Variants in LSAMP observed in about 807,000 individuals in gnomAD.
The protein encoded by LSAMP is limbic system associated membrane protein.
Under a neutral mutation model 38.6 loss-of-function variants are expected in LSAMP, and 7 were observed. That is an observed-to-expected ratio of 0.18 (90% confidence interval 0.10 to 0.34). LSAMP has a LOEUF of 0.34. Among genes scored for constraint, LSAMP ranks in the 10% least tolerant of loss-of-function variants. The probability of loss-of-function intolerance (pLI) is 1.00; values close to 1 mark genes in which losing one functional copy is unlikely to be tolerated. For synonymous variants in LSAMP, 154 were observed against 166.8 expected (o/e 0.92, Z 0.59); for missense variants, 313 against 420.0 (o/e 0.75, Z 2.23).
At chr3:116,389,195 T>A (rs2107810266) in intron 1 of LSAMP, among the ~76,000 whole-genome samples, 1 of 152,288 alleles carries the variant, frequency 6.6e-6, no homozygotes, top group East Asian at 1.9e-4. Context: ...ATCCATTCTG[T>A]GAACAGATGG....
chr3:116,296,694 C>CAAAAAAAAAAAA (rs10659032), intron 1 of LSAMP, among the ~76,000 whole-genome samples: 1 of 59,728 alleles, frequency 1.7e-5, no homozygotes, highest in African/African-American at 6.6e-5. Flanking sequence ...GACTCTGTCT[C>CAAAAAAAAAAAA]AAAAAAAAAA....
At chr3:116,255,247 C>T (rs1262840103) in intron 1 of LSAMP, among the ~76,000 whole-genome samples, 1 of 152,012 alleles carries the variant, frequency 6.6e-6, no homozygotes, top group Non-Finnish European at 1.5e-5. Flanking sequence ...GCACTACTAA[C>T]TAAAGAAGAA....
chr3:115,895,528 A>G (rs960965476), intron 3 of LSAMP, among the ~76,000 whole-genome samples: 8 of 152,118 alleles, frequency 5.3e-5, no homozygotes, highest in African/African-American at 1.7e-4. Context: ...TTTGAATTTC[A>G]GGTAAAAACA....
At chr3:115,965,449 G>T (rs948361910) in intron 3 of LSAMP, among the ~76,000 whole-genome samples, 2 of 151,672 alleles carry the variant, frequency 1.3e-5, no homozygotes, top group Non-Finnish European at 2.9e-5. Flanking sequence ...TATAACCATG[G>T]GGTGAAGAAG....
At chr3:116,431,489 CT>C (rs2049281078) in intron 1 of LSAMP, among the ~76,000 whole-genome samples, 2 of 152,008 alleles carry the variant, frequency 1.3e-5, no homozygotes, top group Non-Finnish European at 2.9e-5. Flanking sequence ...TGATTTTCCC[CT>C]TGTAGTTATA....
At chr3:116,105,290 A>C (rs1456194145) in intron 1 of LSAMP, among the ~76,000 whole-genome samples, 2 of 152,124 alleles carry the variant, frequency 1.3e-5, no homozygotes, top group Non-Finnish European at 2.9e-5. Context: ...GCATGATGTG[A>C]GAGGACTAAC....
At chr3:116,110,879 T>C (rs1397419115) in intron 1 of LSAMP, among the ~76,000 whole-genome samples, 1 of 151,802 alleles carries the variant, frequency 6.6e-6, no homozygotes, top group Non-Finnish European at 1.5e-5. Context: ...TGGGTGCAGG[T>C]GGGCTGAGTC....
intron 1 of LSAMP, among the ~76,000 whole-genome samples, chr3:116,203,047 A>G (rs950661540): frequency 1.3e-5 from 2 of 152,178 alleles, no homozygotes; most frequent in African/African-American, 2.4e-5. Flanking sequence ...TAAATCCTCT[A>G]GTTTTAGAGA....
chr3:116,016,715 C>T (rs985388025), intron 3 of LSAMP, among the ~76,000 whole-genome samples: 1 of 152,096 alleles, frequency 6.6e-6, no homozygotes, highest in African/African-American at 2.4e-5. Flanking sequence ...ATGAGCATGG[C>T]TGGGTTGCAG....
intron 3 of LSAMP, among the ~76,000 whole-genome samples, chr3:115,906,336 T>C (rs934027008): frequency 2.0e-5 from 3 of 152,152 alleles, no homozygotes; most frequent in Admixed American, 1.3e-4. Context: ...CCCTCAGTTC[T>C]TTTTTATTGT....
At chr3:115,929,617 C>A (rs1312686387) in intron 3 of LSAMP, among the ~76,000 whole-genome samples, 1 of 151,902 alleles carries the variant, frequency 6.6e-6, no homozygotes, top group South Asian at 2.1e-4. Context: ...AAGTGTCTAA[C>A]CTTAGCTAAA....
At chr3:115,863,600 A>G (rs1935773943) in intron 3 of LSAMP, among the ~76,000 whole-genome samples, 1 of 151,838 alleles carries the variant, frequency 6.6e-6, no homozygotes, top group African/African-American at 2.4e-5. Flanking sequence ...ATATATATAA[A>G]TAAATGTTTA....
At chr3:116,131,592 T>C (rs978841029) in intron 1 of LSAMP, among the ~76,000 whole-genome samples, 2 of 152,104 alleles carry the variant, frequency 1.3e-5, no homozygotes, top group Non-Finnish European at 2.9e-5. Context: ...AACAAATCAA[T>C]AGAAAAGCAA....
chr3:116,006,387 C>G (rs761482876), intron 3 of LSAMP, among the ~76,000 whole-genome samples: 1 of 152,142 alleles, frequency 6.6e-6, no homozygotes, highest in Non-Finnish European at 1.5e-5. Flanking sequence ...GCCTCCAGAA[C>G]TGTGAGAAAA....
intron 1 of LSAMP, among the ~76,000 whole-genome samples, chr3:116,249,411 A>G (rs2046649515): frequency 6.7e-6 from 1 of 149,776 alleles, no homozygotes; most frequent in Non-Finnish European, 1.5e-5. Context: ...TTGAGATGGG[A>G]GTCTCACTCT....
chr3:116,373,700 TGAA>T (rs1464413801), intron 1 of LSAMP, among the ~76,000 whole-genome samples: 1 of 151,920 alleles, frequency 6.6e-6, no homozygotes, highest in African/African-American at 2.4e-5. Flanking sequence ...TTGGAAATTT[TGAA>T]GAAGACTCTG....
At chr3:116,390,335 G>A (rs978358635) in intron 1 of LSAMP, among the ~76,000 whole-genome samples, 5 of 152,138 alleles carry the variant, frequency 3.3e-5, no homozygotes, top group African/African-American at 1.2e-4. Context: ...TGAAATGAAA[G>A]CCAATTCTTC....
At chr3:116,199,756 T>C (rs776176490) in intron 1 of LSAMP, among the ~76,000 whole-genome samples, 11 of 144,328 alleles carry the variant, frequency 7.6e-5, no homozygotes, top group Non-Finnish European at 1.2e-4. Context: ...TAATATTTAA[T>C]TGTAGGATTT....
chr3:116,331,443 A>G (rs1299973307), intron 1 of LSAMP, among the ~76,000 whole-genome samples: 4 of 152,208 alleles, frequency 2.6e-5, no homozygotes, highest in African/African-American at 9.6e-5. Flanking sequence ...CCTCAAGATA[A>G]GACACATTAT....
Sources: allele counts gnomAD v4.1 joint callset (sites outside exome capture counted in the v4.1 genomes callset), GRCh38; gene constraint gnomAD v4.1.1; transcripts MANE v1.5; gene names NCBI Gene and HGNC (gene_info 2026-07-23, HGNC 2026-07-21).